ATP6V0A1: variants seen among roughly 807,000 people sequenced by gnomAD.
The protein encoded by ATP6V0A1 is ATPase H+ transporting V0 subunit a1, also known as V-type proton ATPase 116 kDa subunit a 1.
In ATP6V0A1, 43 loss-of-function variants were observed where a neutral mutation model predicts 105.4. That is an observed-to-expected ratio of 0.41 (90% CI 0.32 to 0.53). The LOEUF is 0.53. Ranked by LOEUF, ATP6V0A1 falls within the 20% of genes least tolerant of loss-of-function variation. The probability of loss-of-function intolerance (pLI) is 0.30; values close to 1 mark genes in which losing one functional copy is unlikely to be tolerated. For missense variants in ATP6V0A1, 676 were observed against 1,051.1 expected (o/e 0.64, Z 4.93); for synonymous variants, 362 against 372.8 (o/e 0.97, Z 0.33).
intron 9 of ATP6V0A1, among the ~76,000 whole-genome samples, chr17:42,484,702 G>C (rs942644336): frequency 2.0e-5 from 3 of 152,106 alleles, no homozygotes; most frequent in African/African-American, 7.2e-5. Context: ...GTGGGGCTTT[G>C]TTCCCTTTGA....
At chr17:42,481,312 C>T (rs931961691) in intron 8 of ATP6V0A1, 2 of 151,858 alleles carry the variant, frequency 1.3e-5, no homozygotes, top group East Asian at 1.9e-4. Context: ...ACTTCTGCCT[C>T]CCAGGTTCAA....
chr17:42,466,373 A>G, intron 2 of ATP6V0A1, 56 bp from the exon 3 acceptor site: 1 of 1,456,958 alleles, frequency 6.9e-7, no homozygotes, highest in Non-Finnish European at 9.6e-7. Flanking sequence ...TTGCTTGAGA[A>G]ACAGAAGAAA....
intron 9 of ATP6V0A1, among the ~76,000 whole-genome samples, chr17:42,486,607 G>A (rs1231179021): frequency 6.6e-6 from 1 of 152,124 alleles, no homozygotes; most frequent in Non-Finnish European, 1.5e-5. Context: ...CCTCATGATG[G>A]CAGTGGTATG....
rs1162973841 is a variant in ATP6V0A1 at position 42,520,829 on chromosome 17, C to T, written c.2421-198C>T. On this transcript the variant is annotated intron_variant, in intron 21 of 21. Transcript: ENST00000343619. ...GCAAGATTGGGAACTGAGGGCAAAT[C>T]CCTTCCTCCGTGCGTCGAACTCTTG... The T allele has an allele frequency of 3.5e-5, 20 of 579,520 alleles. No homozygotes were observed. The Admixed American group carries it at 5.7e-4, about 16-fold the overall frequency. The allele number at this position is 579,520 out of a possible 1,614,324, so 35.9% of individuals were successfully genotyped here. A position where few individuals can be genotyped will look rare whatever the true frequency, so the allele number is the denominator to read the frequency against.
intron 14 of ATP6V0A1, among the ~76,000 whole-genome samples, chr17:42,496,844 A>G (rs1423185025): frequency 6.6e-6 from 1 of 152,102 alleles, no homozygotes; most frequent in Non-Finnish European, 1.5e-5. Flanking sequence ...TCAAAAAAAT[A>G]GATGGAATGA....
At chr17:42,473,354 A>AT (rs1318925265) in intron 5 of ATP6V0A1, among the ~76,000 whole-genome samples, 2 of 152,236 alleles carry the variant, frequency 1.3e-5, no homozygotes, top group African/African-American at 4.8e-5. Flanking sequence ...TTGTTCACTA[A>AT]TTCACTGAGC....
rs777458553 is a variant in ATP6V0A1, at chr17:42,494,371, T to C, written c.1212T>C (p.Ala404=). The change falls in exon 12 of 22, where the codon GCT becomes GCC. Residue 404 remains alanine, a synonymous_variant. Coordinates refer to ENST00000343619, the MANE Select transcript of ATP6V0A1 (RefSeq NM_001130021.3). ...YTIITFPFLF[A]VMFGDFGHGI... is the part of the protein sequence containing the mutation. ...TTATCACGTTCCCTTTTCTATTTGC[T>C]GTGATGTTTGGAGACTTCGGTCATG... 1.2e-5 allele frequency: 19 copies of C among 1,613,744 alleles called. No individual in the cohort carries two copies. In the East Asian group the frequency reaches 3.8e-4, roughly 32 times the overall value.
chr17:42,517,234 C>CGCG (rs2092665616), intron 21 of ATP6V0A1, among the ~76,000 whole-genome samples: 1 of 152,066 alleles, frequency 6.6e-6, no homozygotes, highest in Non-Finnish European at 1.5e-5. Context: ...GAGCCAAGAT[C>CGCG]GCGCCACTGC....
At chr17:42,465,192 C>A (rs2086893092) in intron 2 of ATP6V0A1, among the ~76,000 whole-genome samples, 1 of 151,080 alleles carries the variant, frequency 6.6e-6, no homozygotes, top group South Asian at 2.1e-4. Context: ...CAGGGTTTCG[C>A]CATGTTGTCC....
At chr17:42,477,897 G>A (rs1274902138) in intron 6 of ATP6V0A1, among the ~76,000 whole-genome samples, 155 bp downstream of exon 6, 1 of 152,146 alleles carries the variant, frequency 6.6e-6, no homozygotes, top group South Asian at 2.1e-4. Flanking sequence ...TGCCTGAGTT[G>A]CTCTGTCAGC....
chr17:42,472,692 C>T (rs1214871671), intron 5 of ATP6V0A1, among the ~76,000 whole-genome samples: 1 of 152,052 alleles, frequency 6.6e-6, no homozygotes, highest in Non-Finnish European at 1.5e-5. Flanking sequence ...CCACTGCACT[C>T]TAGCCTGGGC....
intron 8 of ATP6V0A1, among the ~76,000 whole-genome samples, chr17:42,481,659 C>T (rs1369052084): frequency 6.6e-6 from 1 of 151,938 alleles, no homozygotes; most frequent in East Asian, 1.9e-4. Context: ...GCCTGGCCAA[C>T]TTAGTGAGAC....
Position 42,478,523 on chromosome 17 carries a change from G to T in ATP6V0A1, c.567G>T (p.Arg189=). 6.2e-7 allele frequency: 1 copy of T among 1,610,892 alleles called. No individual in the cohort carries two copies. Among genetic ancestry groups the T allele is most frequent in the Non-Finnish European group, 8.5e-7 (1 of 1,178,202 alleles). The change falls in exon 7 of 22, where the codon CGG becomes CGT. Residue 189 remains arginine (R), a synonymous_variant. Coordinates refer to ENST00000343619, the MANE Select transcript of ATP6V0A1 (RefSeq NM_001130021.3). The part of the protein sequence containing the change: ...RIPTFERMLW[R]VCRGNVFLRQ... ...CTACTTTTGAGCGCATGCTTTGGCG[G>T]GTATGCCGGGGAAATGTGTTCCTGC...
At chr17:42,495,863 A>G in intron 14 of ATP6V0A1, 147 bp downstream of exon 14, 3 of 656,532 alleles carry the variant, frequency 4.6e-6, no homozygotes, top group Non-Finnish European at 7.8e-6. Flanking sequence ...TGGGAGGCCG[A>G]GGAGGTGGGA....
intron 5 of ATP6V0A1, 58 bp from the exon 6 acceptor site, chr17:42,477,602 C>T: frequency 6.3e-7 from 1 of 1,582,514 alleles, no homozygotes; most frequent in Non-Finnish European, 8.7e-7. Flanking sequence ...ATGCCACTAA[C>T]TATTTTCATT....
chr17:42,480,956 CTG>C, intron 8 of ATP6V0A1: 1 of 409,750 alleles, frequency 2.4e-6, no homozygotes, highest in Non-Finnish European at 4.3e-6. Context: ...GGGTCTCACT[CTG>C]TTGCCCAGGC....
At chr17:42,516,666 G>A (rs2092641810) in intron 21 of ATP6V0A1, among the ~76,000 whole-genome samples, 1 of 152,216 alleles carries the variant, frequency 6.6e-6, no homozygotes, top group Admixed American at 6.5e-5. Flanking sequence ...CAGGGCGGGA[G>A]CAAGGCACTG....
Position 42,521,012 on chromosome 17 carries a change from CT to C in ATP6V0A1, c.2421-13del, listed in dbSNP as rs2092820690. ...GTTTCTATTGAATGACAGCTTTCTT[CT>C]TCTCTTTCTCCAGGGTTGAGTTCCA... is the stretch of plus-strand genomic sequence containing the variant. On this transcript the variant is annotated splice_polypyrimidine_tract_variant and intron_variant, in intron 21 of 21. Transcript: ENST00000343619. The surrounding 1 kb of genome is among the most constrained non-coding windows in gnomAD (Gnocchi z 4.8). 2 of 1,574,604 alleles carry C rather than the reference CT, an allele frequency of 1.3e-6. No individual in the cohort carries two copies. Among genetic ancestry groups the C allele is most frequent in the Non-Finnish European group, 1.7e-6 (2 of 1,158,198 alleles).
At chr17:42,505,607 G>T (rs1599051398) in intron 17 of ATP6V0A1, among the ~76,000 whole-genome samples, 1 of 151,954 alleles carries the variant, frequency 6.6e-6, no homozygotes, top group East Asian at 1.9e-4. Context: ...CAAAGTGCTG[G>T]GATTACAGGT....
Sources: allele counts gnomAD v4.1 joint callset (sites outside exome capture counted in the v4.1 genomes callset), GRCh38; gene constraint gnomAD v4.1.1; non-coding constraint Gnocchi (gnomAD v3.1); transcripts MANE v1.5; gene names NCBI Gene and HGNC (gene_info 2026-07-23, HGNC 2026-07-21).